Variants in ZNF148 observed in about 807,000 individuals in gnomAD.
ZNF148 encodes the protein Beta-Enolase Repressor Factor-1.
In ZNF148, 7 loss-of-function variants were observed where a neutral mutation model predicts 67.7. The observed-to-expected ratio is 0.10, with a 90% CI of 0.06 to 0.19. The LOEUF (loss-of-function observed/expected upper bound fraction) is 0.19, where lower values mean the gene tolerates loss of function less well. Ranked by LOEUF, ZNF148 falls within the 10% of genes least tolerant of loss-of-function variation. The pLI, the probability that ZNF148 is intolerant of heterozygous loss-of-function variation, is 1.00. For missense variants in ZNF148, 583 were observed against 947.1 expected (o/e 0.62, Z 5.05); for synonymous variants, 333 against 330.7 (o/e 1.01, Z -0.08).
intron 1 of ZNF148, among the ~76,000 whole-genome samples, chr3:125,354,513 T>C (rs1942272993): frequency 6.6e-6 from 1 of 152,246 alleles, no homozygotes; most frequent in Non-Finnish European, 1.5e-5. Flanking sequence ...CAATTTGTAT[T>C]TCCCCAATTA....
chr3:125,300,123 C>G (rs1445726193), intron 4 of ZNF148, among the ~76,000 whole-genome samples: 8 of 152,116 alleles, frequency 5.3e-5, no homozygotes, highest in Non-Finnish European at 1.2e-4. Context: ...AGGCGCCCAC[C>G]ACCATGCCTG....
chr3:125,315,952 T>C (rs1157462103), intron 3 of ZNF148, among the ~76,000 whole-genome samples: 4 of 152,166 alleles, frequency 2.6e-5, no homozygotes, highest in Admixed American at 6.5e-5. Context: ...TAGTAGGTCT[T>C]ATTCATTTTT....
At chr3:125,374,623 C>G (rs1269395147) in intron 1 of ZNF148, among the ~76,000 whole-genome samples, 1 of 152,104 alleles carries the variant, frequency 6.6e-6, no homozygotes, top group Admixed American at 6.5e-5. Context: ...TGCAAGCATT[C>G]CCTTTTCTCC....
rs1341433886 is a variant in ZNF148, at chr3:125,227,440, C to CGG, written c.*4900_*4901insCC. On this transcript the variant is annotated 3_prime_UTR_variant, in exon 9 of 9. Coordinates refer to ENST00000360647, the MANE Select transcript of ZNF148 (RefSeq NM_021964.3). ...ATATCAGAAAATTCAACGTGCTCCA[C>CGG]CATCAGGATTTCCATCACACACATT... 1.3e-5 allele frequency: 2 copies of CGG among 152,556 alleles called. No individual in the cohort carries two copies. The highest frequency in any genetic ancestry group is 1.3e-4 in the Admixed American group (2 of 15,266). 9.5% of individuals were successfully genotyped at this position (152,556 alleles called of 1,614,324 possible).
At chr3:125,278,935 C>T (rs1938219236) in intron 6 of ZNF148, among the ~76,000 whole-genome samples, 189 bp downstream of exon 6, 1 of 152,164 alleles carries the variant, frequency 6.6e-6, no homozygotes, top group South Asian at 2.1e-4. Flanking sequence ...TAATTTTACA[C>T]ATCCATGCTA....
chr3:125,277,702 C>A, intron 7 of ZNF148, 24 bp downstream of exon 7: 1 of 1,577,552 alleles, frequency 6.3e-7, no homozygotes, highest in South Asian at 1.2e-5. Flanking sequence ...TTTAATGAAC[C>A]TAGTAAGGGT....
intron 5 of ZNF148, among the ~76,000 whole-genome samples, chr3:125,286,466 G>A (rs1425004397): frequency 6.6e-6 from 1 of 152,128 alleles, no homozygotes; most frequent in African/African-American, 2.4e-5. Flanking sequence ...AGTGTAACTG[G>A]TATAACATTT....
intron 2 of ZNF148, among the ~76,000 whole-genome samples, chr3:125,328,450 C>T (rs1320490811): frequency 6.6e-6 from 1 of 151,904 alleles, no homozygotes; most frequent in Non-Finnish European, 1.5e-5. Flanking sequence ...TCTAATTAGC[C>T]AGATTTGATC....
intron 1 of ZNF148, among the ~76,000 whole-genome samples, chr3:125,361,591 G>A (rs1156932792): frequency 3.9e-5 from 6 of 152,112 alleles, no homozygotes; most frequent in Admixed American, 1.3e-4. Flanking sequence ...CAACACTTTA[G>A]GAGGCCAAAG....
chr3:125,346,483 G>C (rs898790416), intron 1 of ZNF148, among the ~76,000 whole-genome samples: 4 of 152,120 alleles, frequency 2.6e-5, no homozygotes, highest in Non-Finnish European at 4.4e-5. Context: ...ATATGATTTG[G>C]TTCTGTACCC....
At chr3:125,256,806 T>G (rs1937100665) in intron 7 of ZNF148, among the ~76,000 whole-genome samples, 1 of 152,184 alleles carries the variant, frequency 6.6e-6, no homozygotes. Context: ...CAGTAAAGAT[T>G]GTGTCCCATG....
chr3:125,271,844 G>T (rs566305036), intron 7 of ZNF148, among the ~76,000 whole-genome samples: 5 of 152,028 alleles, frequency 3.3e-5, no homozygotes, highest in Non-Finnish European at 7.4e-5. Context: ...TTTAAGCCAG[G>T]ATATATGACA....
chr3:125,320,188 A>G (rs1378603363), intron 3 of ZNF148, among the ~76,000 whole-genome samples: 1 of 152,128 alleles, frequency 6.6e-6, no homozygotes, highest in Non-Finnish European at 1.5e-5. Context: ...CTGTTTTCTC[A>G]AAGCCTTACC....
In ZNF148 at chr3:125,246,074, A is replaced by T. The variant is rs370850079; in HGVS notation, c.668-11745T>A. Among the ~76,000 whole-genome samples, 74 of 152,304 alleles carry T rather than the reference A, an allele frequency of 4.9e-4. 1 individual carries two copies. In the South Asian group the frequency reaches 0.015, roughly 31 times the overall value. On this transcript the variant is annotated intron_variant, in intron 7 of 8. Transcript: ENST00000360647. Reference sequence around the variant, plus strand: ...TCATTTTCTGCTGATTTTTTTCTACAAAACTTCCCCAAATCAATTCTTTGT... The same window carrying T: ...TCATTTTCTGCTGATTTTTTTCTACTAAACTTCCCCAAATCAATTCTTTGT...
rs1176633568 is a variant in ZNF148, at chr3:125,313,428, T to C, written c.213A>G (p.Gln71=). Residue 71 remains glutamine (Q), a synonymous_variant, in exon 4 of 9, where the codon CAA becomes CAG. Coordinates refer to ENST00000360647, the MANE Select transcript of ZNF148 (RefSeq NM_021964.3). ...DEVLQESEMR[Q]QDMISHDELM... Reference sequence around the variant, plus strand: ...GTTCATCATGTGATATCATATCCTGTTGTCTCATTTCACTTTCTTGTAACA... The same window carrying C: ...GTTCATCATGTGATATCATATCCTGCTGTCTCATTTCACTTTCTTGTAACA... 1 of 1,614,130 alleles carries C rather than the reference T, an allele frequency of 6.2e-7. No homozygotes were observed. Among genetic ancestry groups the C allele is most frequent in the South Asian group, 1.1e-5 (1 of 91,080 alleles).
At chr3:125,274,140 T>C (rs1937915489) in intron 7 of ZNF148, among the ~76,000 whole-genome samples, 1 of 152,128 alleles carries the variant, frequency 6.6e-6, no homozygotes, top group Admixed American at 6.6e-5. Context: ...AAAGGGCACG[T>C]CAGACAAAAG....
intron 7 of ZNF148, among the ~76,000 whole-genome samples, chr3:125,256,940 A>G (rs910371177): frequency 2.5e-5 from 3 of 121,184 alleles, no homozygotes; most frequent in African/African-American, 9.0e-5. Context: ...TATATCAGTT[A>G]TTATGTTTTC....
intron 7 of ZNF148, among the ~76,000 whole-genome samples, chr3:125,237,054 G>A (rs1936124166): frequency 6.6e-6 from 1 of 152,172 alleles, no homozygotes; most frequent in African/African-American, 2.4e-5. Flanking sequence ...GATGGAGATG[G>A]GAAATAATAG....
intron 1 of ZNF148, among the ~76,000 whole-genome samples, chr3:125,336,930 C>T (rs912124368): frequency 2.6e-5 from 4 of 151,060 alleles, no homozygotes; most frequent in African/African-American, 7.3e-5. Flanking sequence ...CCGCCGTGGC[C>T]TCCCAAAGTG....
Sources: allele counts gnomAD v4.1 joint callset (sites outside exome capture counted in the v4.1 genomes callset), GRCh38; gene constraint gnomAD v4.1.1; transcripts MANE v1.5; gene names NCBI Gene and HGNC (gene_info 2026-07-23, HGNC 2026-07-21).